RPSA2: variants seen among roughly 807,000 people sequenced by gnomAD.
The protein encoded by RPSA2 is small ribosomal subunit protein uS2B.
At chr19:23,860,950 A>C in the RPSA2 span, among the ~76,000 whole-genome samples, 1 of 152,152 alleles carries the variant, frequency 6.6e-6, no homozygotes, top group Non-Finnish European at 1.5e-5. Flanking sequence ...CCCCATCTCA[A>C]ACACACTCAA....
At chr19:23,811,805 A>G in the RPSA2 span, among the ~76,000 whole-genome samples, 3 of 146,138 alleles carry the variant, frequency 2.1e-5, no homozygotes, top group African/African-American at 7.6e-5. Context: ...TGTATAATTT[A>G]GCAATGTAAG....
At chr19:23,842,390 G>A in the RPSA2 span, among the ~76,000 whole-genome samples, 150,935 of 152,362 alleles carry the variant, frequency 0.99, 74,779 homozygotes, top group Middle Eastern at 1. Flanking sequence ...ATGAAGGAAT[G>A]CATTAGAGAA....
chr19:23,840,580 A>T, the RPSA2 span, among the ~76,000 whole-genome samples: 7 of 152,238 alleles, frequency 4.6e-5, no homozygotes, highest in African/African-American at 1.7e-4. Context: ...GGAATAATTT[A>T]GAAAGATATG....
the RPSA2 span, among the ~76,000 whole-genome samples, chr19:23,863,498 G>T: frequency 3.9e-4 from 59 of 150,224 alleles, no homozygotes; most frequent in African/African-American, 1.4e-3. Flanking sequence ...CAGGAGGTGG[G>T]TGTTGCAGTG....
the RPSA2 span, among the ~76,000 whole-genome samples, chr19:23,760,060 C>CAATA: frequency 6.6e-6 from 1 of 152,104 alleles, no homozygotes; most frequent in African/African-American, 2.4e-5. Context: ...TTCTCCTTGC[C>CAATA]AATACCCTGT....
chr19:23,841,455 C>A, the RPSA2 span, among the ~76,000 whole-genome samples: 16 of 152,280 alleles, frequency 1.1e-4, no homozygotes, highest in East Asian at 3.1e-3. Flanking sequence ...CAGAGCCAGA[C>A]TCCGTCTCAA....
chr19:23,830,051 G>GTTTT, the RPSA2 span, among the ~76,000 whole-genome samples: 3 of 148,266 alleles, frequency 2.0e-5, no homozygotes, highest in African/African-American at 2.5e-5. Context: ...ACTTTGGAAG[G>GTTTT]TTTTTTTTTT....
At chr19:23,790,096 T>C in the RPSA2 span, among the ~76,000 whole-genome samples, 4 of 152,054 alleles carry the variant, frequency 2.6e-5, no homozygotes, top group Admixed American at 1.3e-4. Context: ...ACCTCCCGGG[T>C]TGAAGCAATT....
At chr19:23,808,548 C>T in the RPSA2 span, among the ~76,000 whole-genome samples, 3 of 152,020 alleles carry the variant, frequency 2.0e-5, no homozygotes, top group African/African-American at 7.2e-5. Context: ...TGAGCCACTG[C>T]GCCTGACCAA....
At chr19:23,783,582 C>A in the RPSA2 span, among the ~76,000 whole-genome samples, 1 of 150,948 alleles carries the variant, frequency 6.6e-6, no homozygotes, top group Admixed American at 6.6e-5. Flanking sequence ...CTGGACCAAG[C>A]ACCTAGGTGA....
chr19:23,867,936 C>T, the RPSA2 span, among the ~76,000 whole-genome samples: 2 of 152,106 alleles, frequency 1.3e-5, no homozygotes, highest in Non-Finnish European at 2.9e-5. Flanking sequence ...AGTGACAAAC[C>T]TGTGTGGGTG....
chr19:23,801,543 C>A, the RPSA2 span, among the ~76,000 whole-genome samples: 2 of 152,188 alleles, frequency 1.3e-5, no homozygotes, highest in Admixed American at 1.3e-4. Flanking sequence ...GGCTGTCTGC[C>A]AGTCTTTTTA....
chr19:23,853,198 G>T, the RPSA2 span, among the ~76,000 whole-genome samples: 5 of 152,320 alleles, frequency 3.3e-5, no homozygotes, highest in South Asian at 1.0e-3. Context: ...TACGATTTAT[G>T]TAAAGCAGTA....
the RPSA2 span, among the ~76,000 whole-genome samples, chr19:23,821,071 C>T: frequency 1.1e-4 from 16 of 152,210 alleles, no homozygotes; most frequent in Admixed American, 2.0e-4. Context: ...TTCACAGTCT[C>T]TAGAGTTACG....
chr19:23,838,091 G>A, the RPSA2 span, among the ~76,000 whole-genome samples: 50 of 152,278 alleles, frequency 3.3e-4, no homozygotes, highest in Middle Eastern at 3.4e-3. Flanking sequence ...GCCATAGATA[G>A]CTTTTATTAC....
chr19:23,847,996 A>G, the RPSA2 span, among the ~76,000 whole-genome samples: 4 of 152,118 alleles, frequency 2.6e-5, no homozygotes, highest in Non-Finnish European at 5.9e-5. Context: ...GTTCCCTAAA[A>G]TCGCTGCTAT....
At chr19:23,870,773 T>C in the RPSA2 span, among the ~76,000 whole-genome samples, 2 of 152,132 alleles carry the variant, frequency 1.3e-5, no homozygotes, top group Non-Finnish European at 2.9e-5. Context: ...ATTCATTCAA[T>C]TAATGCAAAA....
At chr19:23,789,391 T>G in the RPSA2 span, among the ~76,000 whole-genome samples, 9 of 152,172 alleles carry the variant, frequency 5.9e-5, no homozygotes, top group African/African-American at 2.2e-4. Context: ...TCCTGTCTGG[T>G]TCTTTCCTTC....
the RPSA2 span, among the ~76,000 whole-genome samples, chr19:23,786,429 T>G: frequency 6.6e-6 from 1 of 152,170 alleles, no homozygotes; most frequent in Non-Finnish European, 1.5e-5. Context: ...AGCACCTCGG[T>G]GATTTGACTC....
Sources: allele counts gnomAD v4.1 joint callset (sites outside exome capture counted in the v4.1 genomes callset), GRCh38; gene constraint gnomAD v4.1.1; transcripts MANE v1.5; gene names NCBI Gene and HGNC (gene_info 2026-07-23, HGNC 2026-07-21).